Variants in TNFRSF1B observed in about 807,000 individuals in gnomAD.
TNFRSF1B encodes TNF receptor superfamily member 1B.
A neutral mutation model predicts 44.6 loss-of-function variants in TNFRSF1B; 19 were observed. That is an observed-to-expected ratio of 0.43 (90% CI 0.30 to 0.62). The LOEUF (loss-of-function observed/expected upper bound fraction) is 0.62, where lower values mean the gene tolerates loss of function less well. TNFRSF1B is among the 20% of genes least tolerant of loss of function. The pLI, the probability that TNFRSF1B is intolerant of heterozygous loss-of-function variation, is 0.16. For synonymous variants in TNFRSF1B, 252 were observed against 261.1 expected (o/e 0.97, Z 0.34); for missense variants, 541 against 619.9 (o/e 0.87, Z 1.35).
chr1:12,192,501 G>A lies in TNFRSF1B; in HGVS notation c.528G>A (p.Thr176=), dbSNP rs377401769. ...PGTFSNTTSS[T]DICRPHQICN... ...CGTTCTCCAACACGACTTCATCCACGGATATTTGCAGGCCCCACCAGATGT... is the reference window on the plus strand; with the variant it reads ...CGTTCTCCAACACGACTTCATCCACAGATATTTGCAGGCCCCACCAGATGT... The change falls in exon 5 of 10, where the codon ACG becomes ACA. Residue 176 remains threonine, a synonymous_variant. Coordinates refer to ENST00000376259, the MANE Select transcript of TNFRSF1B (RefSeq NM_001066.3). 8 of 1,614,090 alleles carry A rather than the reference G, an allele frequency of 5.0e-6. No individual in the cohort carries two copies. The highest frequency in any genetic ancestry group is 4.5e-5 in the East Asian group (2 of 44,880).
At position 12,202,153 on chromosome 1, in the gene TNFRSF1B, G is replaced by A. The variant is rs978337134; in HGVS notation, c.1087G>A (p.Ala363Thr). ...GGCCAGTGGGGCCGGGGAGGCCCGGGCCAGCACCGGGAGCTCAGGTAAGAG... is the reference window on the plus strand; with the variant it reads ...GGCCAGTGGGGCCGGGGAGGCCCGGACCAGCACCGGGAGCTCAGGTAAGAG... ...VEASGAGEAR[A>T]STGSSDSSPG... The change falls in exon 9 of 10, where the codon GCC becomes ACC. Residue 363 changes from alanine (A) to threonine (T), a missense_variant. Ala to Thr is a moderately conservative substitution (Grantham distance 58). Coordinates refer to ENST00000376259, the MANE Select transcript of TNFRSF1B (RefSeq NM_001066.3). 1 of 1,550,568 alleles carries A rather than the reference G, an allele frequency of 6.4e-7. No homozygotes were observed. Among genetic ancestry groups the A allele is most frequent in the Non-Finnish European group, 8.7e-7 (1 of 1,148,540 alleles).
In TNFRSF1B at chr1:12,168,376, T is replaced by A. The variant is rs1051278344; in HGVS notation, c.78+1207T>A. Among the ~76,000 whole-genome samples the A allele has an allele frequency of 1.3e-5, 2 of 152,204 alleles. No individual in the cohort carries two copies. The highest frequency in any genetic ancestry group is 4.8e-5 in the African/African-American group (2 of 41,458). ...TGGGGGCTGTCAGACTAGAATTGAC[T>A]CACCGACAGTGGGTGTCAGGAGTGG... On this transcript the variant is annotated intron_variant, in intron 1 of 9. Transcript: ENST00000376259. This position sits in a 1 kb window ranked among gnomAD's most constrained non-coding sequence, Gnocchi z 4.7.
At position 12,186,022 on chromosome 1, in the gene TNFRSF1B, G is replaced by A. The variant is rs747566931; in HGVS notation, c.79-2774G>A. On this transcript the variant is annotated intron_variant, in intron 1 of 9. Coordinates refer to ENST00000376259, the MANE Select transcript of TNFRSF1B (RefSeq NM_001066.3). This position sits in a 1 kb window ranked among gnomAD's most constrained non-coding sequence, Gnocchi z 4.8. Reference sequence around the variant, plus strand: ...TGAGCAGGGCTCTTAAGGGACACGTGGAATTTGTTACAGGAAGCACCAGGC... The same window carrying A: ...TGAGCAGGGCTCTTAAGGGACACGTAGAATTTGTTACAGGAAGCACCAGGC... 9.2e-5 allele frequency among the ~76,000 whole-genome samples: 14 copies of A among 152,180 alleles called. No homozygotes were observed. The highest frequency in any genetic ancestry group is 1.9e-4 in the Non-Finnish European group (13 of 68,020).
chr1:12,207,142 A>C lies in TNFRSF1B; in HGVS notation c.*122A>C. 7.4e-6 allele frequency: 8 copies of C among 1,080,076 alleles called. No individual in the cohort carries two copies. Among genetic ancestry groups the C allele is most frequent in the African/African-American group, 1.6e-5 (1 of 63,026 alleles). 66.9% of individuals were successfully genotyped at this position (1,080,076 alleles called of 1,614,324 possible). Reference sequence around the variant, plus strand: ...GGACTCTGAGGCTCTTTCTGGGCCAAGTTCCTCTAGTGCCCTCCACAGCCG... The same window carrying C: ...GGACTCTGAGGCTCTTTCTGGGCCACGTTCCTCTAGTGCCCTCCACAGCCG... On this transcript the variant is annotated 3_prime_UTR_variant, in exon 10 of 10. Transcript: ENST00000376259.
At chr1:12,205,488 A>G (rs906058747) in intron 9 of TNFRSF1B, among the ~76,000 whole-genome samples, 58 of 152,082 alleles carry the variant, frequency 3.8e-4, no homozygotes, top group African/African-American at 1.4e-3. Flanking sequence ...CTGATGGGAA[A>G]CAGATTTCAG....
At position 12,168,175 on chromosome 1, in the gene TNFRSF1B, C is replaced by CG. The variant is rs1257866582; in HGVS notation, c.78+1010dup. On this transcript the variant is annotated intron_variant, in intron 1 of 9. Transcript: ENST00000376259. This position sits in a 1 kb window ranked among gnomAD's most constrained non-coding sequence, Gnocchi z 4.7. ...CTTCGGCCCCTGTGCCCTGAGGCTG[C>CG]GGGGAAGGTGGGCGTTCATCCTTCC... Among the ~76,000 whole-genome samples, 1 of 152,224 alleles carries CG rather than the reference C, an allele frequency of 6.6e-6. No homozygotes were observed. Among genetic ancestry groups the CG allele is most frequent in the African/African-American group, 2.4e-5 (1 of 41,460 alleles).
intron 1 of TNFRSF1B, among the ~76,000 whole-genome samples, chr1:12,179,475 A>AT (rs1411400169): frequency 6.6e-6 from 1 of 152,196 alleles, no homozygotes; most frequent in Non-Finnish European, 1.5e-5. Context: ...TGGTTTCCGC[A>AT]TTGCTTGAAG....
intron 9 of TNFRSF1B, 128 bp from the exon 10 acceptor site, chr1:12,206,612 A>T: frequency 9.9e-7 from 1 of 1,005,956 alleles, no homozygotes; most frequent in Non-Finnish European, 1.4e-6. Flanking sequence ...GAGCTGGGCT[A>T]GAATCTTGGT....
rs986724396 is a variant in TNFRSF1B, at chr1:12,168,624, C to A, written c.78+1455C>A. The stretch of plus-strand genomic sequence containing the variant: ...CCCTGGATGGGAGAGGGGTGTCAGG[C>A]ACAGGGCTCAGCAGGACACCAGGCT... On this transcript the variant is annotated intron_variant, in intron 1 of 9. Transcript: ENST00000376259. This position sits in a 1 kb window ranked among gnomAD's most constrained non-coding sequence, Gnocchi z 4.7. Among the ~76,000 whole-genome samples the A allele has an allele frequency of 1.3e-5, 2 of 152,132 alleles. No individual in the cohort carries two copies. The highest frequency in any genetic ancestry group is 2.9e-5 in the Non-Finnish European group (2 of 67,996).
intron 8 of TNFRSF1B, 39 bp downstream of exon 8, chr1:12,194,657 TCTC>T: frequency 1.2e-6 from 2 of 1,612,912 alleles, no homozygotes. Flanking sequence ...CTTCCCCTGG[TCTC>T]CTTCCCGGCG....
chr1:12,206,955 C>T lies in TNFRSF1B; in HGVS notation c.1321C>T (p.Leu441=). The part of the protein sequence containing the change: ...RSQLETPETL[L]GSTEEKPLPL... Reference sequence around the variant, plus strand: ...ACAGCTGGAGACGCCAGAGACCCTGCTGGGGAGCACCGAAGAGAAGCCCCT... The same window carrying T: ...ACAGCTGGAGACGCCAGAGACCCTGTTGGGGAGCACCGAAGAGAAGCCCCT... The change falls in exon 10 of 10, where the codon CTG becomes TTG. Residue 441 remains leucine (L), a synonymous_variant. Transcript: ENST00000376259. 1 of 1,612,764 alleles carries T rather than the reference C, an allele frequency of 6.2e-7. No individual in the cohort carries two copies. Among genetic ancestry groups the T allele is most frequent in the Admixed American group, 1.7e-5 (1 of 59,978 alleles).
chr1:12,168,807 C>T lies in TNFRSF1B; in HGVS notation c.78+1638C>T, dbSNP rs1012631954. 6.6e-6 allele frequency among the ~76,000 whole-genome samples: 1 copy of T among 152,174 alleles called. No individual in the cohort carries two copies. Among genetic ancestry groups the T allele is most frequent in the Non-Finnish European group, 1.5e-5 (1 of 68,036 alleles). On this transcript the variant is annotated intron_variant, in intron 1 of 9. Transcript: ENST00000376259. This position sits in a 1 kb window ranked among gnomAD's most constrained non-coding sequence, Gnocchi z 4.7. ...GTAGCTGGTCTCCCGGCCCTGCCCC[C>T]TCTCCCGCTGATCCTTGGCAGAGAG...
intron 9 of TNFRSF1B, among the ~76,000 whole-genome samples, chr1:12,202,612 C>T (rs1570175432): frequency 6.6e-6 from 1 of 152,220 alleles, no homozygotes; most frequent in African/African-American, 2.4e-5. Context: ...TATCTGCAGG[C>T]CCAACACGGC....
At chr1:12,188,019 C>T (rs980768510) in intron 1 of TNFRSF1B, among the ~76,000 whole-genome samples, 3 of 152,184 alleles carry the variant, frequency 2.0e-5, no homozygotes, top group African/African-American at 4.8e-5. Context: ...GCAGCAGAAA[C>T]GCTTAGAACA....
In TNFRSF1B at chr1:12,207,127, G is replaced by T; in HGVS notation, c.*107G>T. The T allele has an allele frequency of 7.8e-7, 1 of 1,277,598 alleles. No homozygotes were observed. Among genetic ancestry groups the T allele is most frequent in the Non-Finnish European group, 1.0e-6 (1 of 959,270 alleles). 79.1% of individuals were successfully genotyped at this position (1,277,598 alleles called of 1,614,324 possible). The stretch of plus-strand genomic sequence containing the variant: ...AGGCCCCCACCACTAGGACTCTGAG[G>T]CTCTTTCTGGGCCAAGTTCCTCTAG... On this transcript the variant is annotated 3_prime_UTR_variant, in exon 10 of 10. Coordinates refer to ENST00000376259, the MANE Select transcript of TNFRSF1B (RefSeq NM_001066.3).
rs1638784519 is a variant in TNFRSF1B, at chr1:12,180,859, G to A, written c.79-7937G>A. 6.6e-6 allele frequency among the ~76,000 whole-genome samples: 1 copy of A among 152,186 alleles called. No homozygotes were observed. On this transcript the variant is annotated intron_variant, in intron 1 of 9. Transcript: ENST00000376259. This position sits in a 1 kb window ranked among gnomAD's most constrained non-coding sequence, Gnocchi z 4.3. ...TCGTCCTCTGGCTGGGCTGCTCACAGACCCCGGCCCCTGGGTTTTGTCCAC... is the reference window on the plus strand; with the variant it reads ...TCGTCCTCTGGCTGGGCTGCTCACAAACCCCGGCCCCTGGGTTTTGTCCAC...
chr1:12,193,206 CTG>C lies in TNFRSF1B; in HGVS notation c.787+111_787+112del, dbSNP rs1639190379. The C allele has an allele frequency of 3.0e-6, 3 of 1,002,626 alleles. No individual in the cohort carries two copies. The East Asian group carries it at 7.8e-5, about 26-fold the overall frequency. 62.1% of individuals were successfully genotyped at this position (1,002,626 alleles called of 1,614,324 possible). ...CTGAGAGCCCACGGGGGGCTGGACC[CTG>C]TGCCCTGTCCTGGGATACAGGTGGC... On this transcript the variant is annotated intron_variant, in intron 6 of 9. Coordinates refer to ENST00000376259, the MANE Select transcript of TNFRSF1B (RefSeq NM_001066.3).
intron 1 of TNFRSF1B, among the ~76,000 whole-genome samples, chr1:12,188,476 CTG>C (rs1284022069): frequency 6.6e-6 from 1 of 152,186 alleles, no homozygotes; most frequent in African/African-American, 2.4e-5. Context: ...CCCCCGTTCT[CTG>C]TGACCAAGGC....
At chr1:12,174,148 T>TCTC (rs56695784) in intron 1 of TNFRSF1B, among the ~76,000 whole-genome samples, 73 of 81,826 alleles carry the variant, frequency 8.9e-4, no homozygotes, top group Admixed American at 2.5e-3. Context: ...TTCTTCTTCT[T>TCTC]CTTCTTCTTC....
Sources: gnomAD v4.1 joint callset for allele counts (sites outside exome capture counted in the v4.1 genomes callset) on GRCh38, gnomAD v4.1.1 for gene constraint, Gnocchi (gnomAD v3.1) non-coding constraint, MANE v1.5 for transcripts, NCBI Gene and HGNC (gene_info 2026-07-23, HGNC 2026-07-21) for gene names.